The following CDH4 variants were observed in gnomAD, a reference collection of about 807,000 sequenced individuals.
CDH4 encodes the protein cadherin 4, also known as cadherin-4.
Under a neutral mutation model 86.0 loss-of-function variants are expected in CDH4, and 33 were observed. The ratio of observed to expected loss-of-function variants is 0.38; its 90% CI spans 0.29 to 0.51. The LOEUF (loss-of-function observed/expected upper bound fraction) is 0.51. Among genes scored for constraint, CDH4 ranks in the 20% least tolerant of loss-of-function variants. CDH4 has a pLI of 0.86. For synonymous variants in CDH4, 555 were observed against 549.4 expected, an observed-to-expected ratio of 1.01 and a Z score of -0.14; for missense variants, 1,114 against 1,307.4, an observed-to-expected ratio of 0.85 and a Z score of 2.28.
chr20:61,648,367 C>T (rs1462767409), intron 2 of CDH4, among the ~76,000 whole-genome samples: 1 of 152,132 alleles, frequency 6.6e-6, no homozygotes, highest in Non-Finnish European at 1.5e-5. Flanking sequence ...AGGACTCACT[C>T]CTCTGTGCAG....
chr20:61,884,664 A>T (rs1312384375), intron 7 of CDH4, among the ~76,000 whole-genome samples: 1 of 152,048 alleles, frequency 6.6e-6, no homozygotes, highest in Non-Finnish European at 1.5e-5. Context: ...CCTGCATTTG[A>T]AGGCTGAAGG....
chr20:61,343,026 T>C (rs1317361518), intron 2 of CDH4, among the ~76,000 whole-genome samples: 1 of 152,218 alleles, frequency 6.6e-6, no homozygotes, highest in East Asian at 1.9e-4. Context: ...AAATAGACTT[T>C]TCCCCTGACC....
intron 2 of CDH4, among the ~76,000 whole-genome samples, chr20:61,352,132 G>A (rs540149229): frequency 2.4e-4 from 36 of 152,050 alleles, no homozygotes; most frequent in African/African-American, 5.6e-4. Context: ...CTCACTCACC[G>A]TCTGCACTCT....
At chr20:61,739,946 G>A (rs990775125) in intron 2 of CDH4, among the ~76,000 whole-genome samples, 2 of 152,238 alleles carry the variant, frequency 1.3e-5, no homozygotes, top group South Asian at 4.1e-4. Context: ...ACCGTCAGGA[G>A]CGTCCTCTCT....
At position 61,841,764 on chromosome 20, in the gene CDH4, TGTGCGCGC is replaced by T. The variant is rs36179092; in HGVS notation, c.577-2895_577-2888del. Among the ~76,000 whole-genome samples, 1,086 of 152,190 alleles carry T rather than the reference TGTGCGCGC, an allele frequency of 7.1e-3. 4 individuals carry two copies. Among genetic ancestry groups the T allele is most frequent in the South Asian group, 0.014 (67 of 4,818 alleles). Reference sequence around the variant, plus strand: ...GCACATGTGCACAGGAGTGTGTGTGTGTGCGCGCGTGCGCGCACCGTGGGCCTGCAGGC... The same window carrying T: ...GCACATGTGCACAGGAGTGTGTGTGTGTGCGCGCACCGTGGGCCTGCAGGC... On this transcript the variant is annotated intron_variant, in intron 4 of 15. Coordinates refer to ENST00000614565, the MANE Select transcript of CDH4 (RefSeq NM_001794.5).
chr20:61,615,979 G>A (rs971583923), intron 2 of CDH4, among the ~76,000 whole-genome samples: 2 of 152,214 alleles, frequency 1.3e-5, no homozygotes, highest in African/African-American at 4.8e-5. Flanking sequence ...CCCCCGTGAA[G>A]GCCACGCGAT....
intron 2 of CDH4, among the ~76,000 whole-genome samples, chr20:61,651,782 T>C (rs994594964): frequency 2.0e-5 from 3 of 152,250 alleles, no homozygotes; most frequent in African/African-American, 7.2e-5. Flanking sequence ...CTCAGGATTC[T>C]CTCTGTCTTA....
intron 2 of CDH4, among the ~76,000 whole-genome samples, chr20:61,628,371 G>C (rs1320651137): frequency 2.0e-5 from 3 of 151,992 alleles, no homozygotes; most frequent in Non-Finnish European, 2.9e-5. Flanking sequence ...CTGTCAAAGC[G>C]ACTTCAGGGA....
At chr20:61,513,364 C>T (rs2085794567) in intron 2 of CDH4, among the ~76,000 whole-genome samples, 1 of 152,224 alleles carries the variant, frequency 6.6e-6, no homozygotes, top group Non-Finnish European at 1.5e-5. Flanking sequence ...CTGGAACGGA[C>T]CCTCTGTTGA....
rs1305232256 is a variant in CDH4, at chr20:61,393,276, C to A, written c.169+138339C>A. Among the ~76,000 whole-genome samples the A allele has an allele frequency of 7.2e-5, 11 of 152,224 alleles. No individual in the cohort carries two copies. In the South Asian group the frequency reaches 2.1e-3, roughly 29 times the overall value. The stretch of plus-strand genomic sequence containing the variant: ...AACAAGAGGCCATCTCACGGGCGAG[C>A]CCACACACCTGGAGAGAAACAGAAG... On this transcript the variant is annotated intron_variant, in intron 2 of 15. Coordinates refer to ENST00000614565, the MANE Select transcript of CDH4 (RefSeq NM_001794.5). The surrounding 1 kb of genome is among the most constrained non-coding windows in gnomAD (Gnocchi z 4.3).
intron 2 of CDH4, among the ~76,000 whole-genome samples, chr20:61,724,439 A>G (rs2088086243): frequency 6.6e-6 from 1 of 152,208 alleles, no homozygotes; most frequent in African/African-American, 2.4e-5. Context: ...CAGTGGGCTC[A>G]GTGAGAAAGC....
chr20:61,900,618 G>C (rs1985351582), intron 8 of CDH4, among the ~76,000 whole-genome samples: 1 of 152,232 alleles, frequency 6.6e-6, no homozygotes, highest in Non-Finnish European at 1.5e-5. Context: ...GAGACACACA[G>C]AAACTTGAGG....
At chr20:61,298,894 C>G (rs1164754287) in intron 2 of CDH4, among the ~76,000 whole-genome samples, 3 of 151,616 alleles carry the variant, frequency 2.0e-5, no homozygotes, top group Non-Finnish European at 4.4e-5. Flanking sequence ...TTGCCAAACT[C>G]AGGAACTAAA....
At chr20:61,554,092 G>A (rs1345426208) in intron 2 of CDH4, among the ~76,000 whole-genome samples, 1 of 152,318 alleles carries the variant, frequency 6.6e-6, no homozygotes, top group Non-Finnish European at 1.5e-5. Flanking sequence ...GGACAGCCTG[G>A]CCTGGCTCTA....
chr20:61,344,917 G>A (rs1193478468), intron 2 of CDH4, among the ~76,000 whole-genome samples: 2 of 152,210 alleles, frequency 1.3e-5, no homozygotes, highest in African/African-American at 4.8e-5. Flanking sequence ...ACAAAGTCAG[G>A]TTCTGCGCCG....
intron 2 of CDH4, among the ~76,000 whole-genome samples, chr20:61,383,114 A>AT (rs1478751280): frequency 5.0e-5 from 4 of 80,452 alleles, no homozygotes; most frequent in South Asian, 2.9e-4. Context: ...TATTATATAT[A>AT]GAATATATAT....
intron 2 of CDH4, among the ~76,000 whole-genome samples, chr20:61,346,111 G>A (rs2084678008): frequency 6.6e-6 from 1 of 152,206 alleles, no homozygotes; most frequent in East Asian, 1.9e-4. Context: ...CAGCATCATG[G>A]GCTGGAGGCT....
At chr20:61,858,819 G>A (rs1020898101) in intron 6 of CDH4, among the ~76,000 whole-genome samples, 12 of 152,172 alleles carry the variant, frequency 7.9e-5, no homozygotes, top group African/African-American at 2.9e-4. Flanking sequence ...ACTGATGGAC[G>A]CTGGGCAGTT....
At chr20:61,363,403 T>C (rs1445065993) in intron 2 of CDH4, among the ~76,000 whole-genome samples, 1 of 151,906 alleles carries the variant, frequency 6.6e-6, no homozygotes, top group African/African-American at 2.4e-5. Flanking sequence ...CATAAAAGAA[T>C]CTAAATATCT....
Sources: gnomAD v4.1 joint callset for allele counts (sites outside exome capture counted in the v4.1 genomes callset) on GRCh38, gnomAD v4.1.1 for gene constraint, Gnocchi (gnomAD v3.1) non-coding constraint, MANE v1.5 for transcripts, NCBI Gene and HGNC (gene_info 2026-07-23, HGNC 2026-07-21) for gene names.